The following PCDHA11 variants were observed in gnomAD, a reference collection of about 807,000 sequenced individuals.
PCDHA11 encodes protocadherin alpha 11, also known as protocadherin alpha-11.
PCDHA11 carries 61 observed loss-of-function variants against 70.3 expected under a neutral mutation model. The ratio of observed to expected loss-of-function variants is 0.87; its 90% CI spans 0.71 to 1.07. The LOEUF (loss-of-function observed/expected upper bound fraction) is 1.07. Among genes scored for constraint, PCDHA11 ranks in the 50% least tolerant of loss-of-function variants. The pLI is 0.00. For missense variants in PCDHA11, 1,324 were observed against 1,237.5 expected, an observed-to-expected ratio of 1.07 and a Z score of -1.05; for synonymous variants, 633 against 555.1, an observed-to-expected ratio of 1.14 and a Z score of -1.97.
chr5:140,927,131 C>T (rs782433395), intron 1 of PCDHA11: 1 of 1,614,078 alleles, frequency 6.2e-7, no homozygotes, highest in Non-Finnish European at 8.5e-7. Context: ...GTCAGAGAGC[C>T]GGCGGACCGC....
intron 1 of PCDHA11, among the ~76,000 whole-genome samples, chr5:140,941,215 C>CTTT (rs782548958): frequency 2.3e-4 from 24 of 104,510 alleles, no homozygotes; most frequent in African/African-American, 3.3e-4. Context: ...TTCTTTCTTC[C>CTTT]TTTCTTTCTT....
Position 140,870,732 on chromosome 5 carries a change from T to A in PCDHA11, c.1629T>A (p.Pro543=), listed in dbSNP as rs782731773. Residue 543 remains proline (P), a synonymous_variant, in exon 1 of 4, where the codon CCT becomes CCA. Transcript: ENST00000398640. Reference sequence around the variant, plus strand: ...GCGCGCGCGATGCGGGCGTGCCGCCTCTGAGCAGCAACGTGACGCTGCAGG... The same window carrying A: ...GCGCGCGCGATGCGGGCGTGCCGCCACTGAGCAGCAACGTGACGCTGCAGG... The part of the protein sequence containing the change: ...QVSARDAGVP[P]LSSNVTLQVF... 6.2e-6 allele frequency: 10 copies of A among 1,613,288 alleles called. No homozygotes were observed. The highest frequency in any genetic ancestry group is 2.2e-5 in the East Asian group (1 of 44,882).
At chr5:140,884,634 G>A in intron 1 of PCDHA11, 1 of 1,612,414 alleles carries the variant, frequency 6.2e-7, no homozygotes, top group Non-Finnish European at 8.5e-7. Context: ...ACAGGCCAGA[G>A]GGAGGAGGAC....
intron 1 of PCDHA11, chr5:140,881,315 A>G: frequency 1.0e-6 from 1 of 981,768 alleles, no homozygotes; most frequent in Non-Finnish European, 1.2e-6. Flanking sequence ...TCCTGGTTAA[A>G]TTCTATTTAA....
chr5:140,875,986 T>C, intron 1 of PCDHA11: 1 of 1,613,998 alleles, frequency 6.2e-7, no homozygotes, highest in East Asian at 2.2e-5. Context: ...GACCTATGCG[T>C]TAAGTCTAAA....
intron 3 of PCDHA11, among the ~76,000 whole-genome samples, chr5:140,985,312 G>C (rs961087434): frequency 2.0e-5 from 3 of 152,102 alleles, no homozygotes; most frequent in Non-Finnish European, 2.9e-5. Flanking sequence ...TAGCCTGGTG[G>C]CCAGAATTCA....
chr5:140,904,912 T>C (rs2071465626), intron 1 of PCDHA11, among the ~76,000 whole-genome samples: 1 of 152,236 alleles, frequency 6.6e-6, no homozygotes, highest in Non-Finnish European at 1.5e-5. Flanking sequence ...TACTGATTTG[T>C]TTGACTTCCT....
In PCDHA11 at chr5:140,869,783, G is replaced by A. The variant is rs990827650; in HGVS notation, c.680G>A (p.Arg227Gln). The A allele has an allele frequency of 1.2e-5, 19 of 1,612,688 alleles. No homozygotes were observed. In the African/African-American group the frequency reaches 1.2e-4, roughly 10 times the overall value. ...GGKPELTGTV[R>Q]LLVQVLDVND... ...AAACCAGAGCTTACTGGCACCGTTC[G>A]GCTGTTAGTCCAAGTCTTGGATGTC... Residue 227 changes from arginine to glutamine, a missense_variant, in exon 1 of 4, where the codon CGG becomes CAG. By Grantham distance (43) the Arg-to-Gln change is conservative. Coordinates refer to ENST00000398640, the MANE Select transcript of PCDHA11 (RefSeq NM_018902.5).
chr5:140,928,843 A>T (rs782153694), intron 1 of PCDHA11: 3 of 1,614,018 alleles, frequency 1.9e-6, no homozygotes, highest in Non-Finnish European at 2.5e-6. Flanking sequence ...CTCCTCTGTC[A>T]CTCTGGGTGT....
intron 3 of PCDHA11, among the ~76,000 whole-genome samples, chr5:141,000,421 A>ATATT (rs1265241806): frequency 1.1e-4 from 3 of 27,978 alleles, no homozygotes; most frequent in Non-Finnish European, 1.7e-4. Flanking sequence ...ATATATATAT[A>ATATT]TTTTTTTTTT....
chr5:140,918,833 G>A (rs2078883719), intron 1 of PCDHA11, among the ~76,000 whole-genome samples: 1 of 152,084 alleles, frequency 6.6e-6, no homozygotes, highest in African/African-American at 2.4e-5. Context: ...CCCCTCCCCA[G>A]ACACTAAATC....
intron 1 of PCDHA11, chr5:140,926,550 C>A (rs1235832737): frequency 1.7e-5 from 4 of 233,488 alleles, no homozygotes; most frequent in Admixed American, 5.6e-5. Context: ...TGGTCGAGAC[C>A]CCAGCCCGCT....
chr5:140,919,593 T>A (rs541275874), intron 1 of PCDHA11, among the ~76,000 whole-genome samples: 1 of 152,332 alleles, frequency 6.6e-6, no homozygotes, highest in South Asian at 2.1e-4. Flanking sequence ...TGGTAATTTT[T>A]AAAATAAATT....
chr5:140,937,795 C>T (rs1472022589), intron 1 of PCDHA11, among the ~76,000 whole-genome samples: 1 of 151,670 alleles, frequency 6.6e-6, no homozygotes, highest in Non-Finnish European at 1.5e-5. Context: ...GTATGTAGTC[C>T]CAGCTACTCG....
chr5:140,875,505 C>T, intron 1 of PCDHA11: 6 of 1,613,560 alleles, frequency 3.7e-6, no homozygotes, highest in Non-Finnish European at 5.1e-6. Context: ...GCCCGGGATC[C>T]CAGCGTCTGC....
At chr5:140,896,071 A>G (rs551803461) in intron 1 of PCDHA11, among the ~76,000 whole-genome samples, 1 of 152,248 alleles carries the variant, frequency 6.6e-6, no homozygotes, top group African/African-American at 2.4e-5. Context: ...TCGGCCTCCC[A>G]ACATGCTGGG....
intron 1 of PCDHA11, among the ~76,000 whole-genome samples, chr5:140,945,574 G>C (rs2153670366): frequency 6.6e-6 from 1 of 151,978 alleles, no homozygotes; most frequent in Middle Eastern, 3.4e-3. Context: ...ATACTACCTG[G>C]CTTCAAAATA....
chr5:140,870,736 A>G lies in PCDHA11; in HGVS notation c.1633A>G (p.Ser545Gly), dbSNP rs201357017. Reference protein sequence around the residue: ...SARDAGVPPLSSNVTLQVFVL... With the variant: ...SARDAGVPPLGSNVTLQVFVL... ...GCGCGATGCGGGCGTGCCGCCTCTG[A>G]GCAGCAACGTGACGCTGCAGGTGTT... The change falls in exon 1 of 4, where the codon AGC becomes GGC. Residue 545 changes from serine (S) to glycine (G), a missense_variant. Ser to Gly is a moderately conservative substitution (Grantham distance 56). Transcript: ENST00000398640. 8.7e-4 allele frequency: 1,399 copies of G among 1,613,426 alleles called. 10 individuals carry two copies. In the African/African-American group the frequency reaches 0.015, roughly 17 times the overall value.
intron 1 of PCDHA11, among the ~76,000 whole-genome samples, chr5:140,943,827 A>T (rs1474835023): frequency 2.0e-5 from 3 of 152,208 alleles, no homozygotes; most frequent in Non-Finnish European, 4.4e-5. Flanking sequence ...AAATGAGTTG[A>T]TTGAAGTTGT....
Sources: gnomAD v4.1 joint callset for allele counts (sites outside exome capture counted in the v4.1 genomes callset) on GRCh38, gnomAD v4.1.1 for gene constraint, MANE v1.5 for transcripts, NCBI Gene and HGNC (gene_info 2026-07-23, HGNC 2026-07-21) for gene names.